The following SUMF1 variants were observed in gnomAD, a reference collection of about 807,000 sequenced individuals.
SUMF1 encodes sulfatase modifying factor 1.
A neutral mutation model predicts 47.6 loss-of-function variants in SUMF1; 48 were observed. The observed-to-expected ratio is 1.01, with a 90% CI of 0.80 to 1.28. The LOEUF is 1.28. Among genes scored for constraint, SUMF1 ranks in the 50% most tolerant of loss-of-function variants. The probability of loss-of-function intolerance (pLI) is 0.00; values close to 1 mark genes in which losing one functional copy is unlikely to be tolerated. For missense variants in SUMF1, 571 were observed against 485.4 expected (o/e 1.18, Z -1.66); for synonymous variants, 230 against 192.1 (o/e 1.20, Z -1.63).
intron 8 of SUMF1, among the ~76,000 whole-genome samples, chr3:4,366,707 C>T (rs1292870406): frequency 3.3e-5 from 5 of 152,218 alleles, no homozygotes; most frequent in Non-Finnish European, 7.3e-5. Flanking sequence ...AAGCCTTCTT[C>T]TCTCAACTCG....
chr3:4,290,535 T>C (rs886073331), intron 8 of SUMF1, among the ~76,000 whole-genome samples: 1 of 152,190 alleles, frequency 6.6e-6, no homozygotes, highest in Non-Finnish European at 1.5e-5. Flanking sequence ...GAAGGTAACA[T>C]GGAACATCAG....
chr3:4,204,757 A>G (rs982465747), intron 8 of SUMF1, among the ~76,000 whole-genome samples: 1 of 151,592 alleles, frequency 6.6e-6, no homozygotes, highest in Admixed American at 6.6e-5. Flanking sequence ...TGATCCATTC[A>G]GCTGTTAAGA....
At chr3:4,438,938 T>C (rs994004607) in intron 3 of SUMF1, among the ~76,000 whole-genome samples, 3 of 152,258 alleles carry the variant, frequency 2.0e-5, no homozygotes, top group African/African-American at 7.2e-5. Flanking sequence ...ACCAATATCA[T>C]AAGGGCCACA....
intron 7 of SUMF1, among the ~76,000 whole-genome samples, chr3:4,394,098 T>A (rs1700964238): frequency 6.6e-6 from 1 of 152,170 alleles, no homozygotes; most frequent in Admixed American, 6.6e-5. Context: ...GATTTGATAA[T>A]ACCATTATAG....
intron 3 of SUMF1, among the ~76,000 whole-genome samples, chr3:4,448,803 T>C (rs1356194371): frequency 1.3e-5 from 2 of 152,208 alleles, no homozygotes; most frequent in East Asian, 1.9e-4. Context: ...TTCATGAACA[T>C]TCAGAACAAA....
downstream of SUMF1, among the ~76,000 whole-genome samples, chr3:4,356,464 C>T (rs1699620289): frequency 2.0e-5 from 3 of 152,110 alleles, no homozygotes; most frequent in African/African-American, 7.2e-5. Context: ...TCTCATAAGG[C>T]ATTTCTAGGC....
intron 7 of SUMF1, among the ~76,000 whole-genome samples, chr3:4,385,212 C>CA (rs1410239997): frequency 6.6e-6 from 1 of 152,138 alleles, no homozygotes; most frequent in Non-Finnish European, 1.5e-5. Context: ...AAGAAAACGT[C>CA]AAATTGTTTT....
chr3:4,445,010 C>A (rs1239360632), intron 3 of SUMF1, among the ~76,000 whole-genome samples: 1 of 152,162 alleles, frequency 6.6e-6, no homozygotes, highest in East Asian at 1.9e-4. Context: ...GGACTCAGGA[C>A]AGTTGCTTAA....
rs149242416 is a variant in SUMF1, at chr3:4,294,845, T to C, written c.1014+81485A>G. Among the ~76,000 whole-genome samples, 149 of 152,126 alleles carry C rather than the reference T, an allele frequency of 9.8e-4. 1 individual carries two copies. Among genetic ancestry groups the C allele is most frequent in the African/African-American group, 3.5e-3 (146 of 41,468 alleles). On this transcript the variant is annotated intron_variant and NMD_transcript_variant, in intron 8 of 12. Transcript: ENST00000448413. ...ATGATGAGGATTTCAGGCACTGTAG[T>C]CAGACACTGAGCGAGGTCTTTTTGG... is the stretch of plus-strand genomic sequence containing the variant.
chr3:4,404,800 A>C (rs1701324498), intron 7 of SUMF1, among the ~76,000 whole-genome samples: 1 of 152,070 alleles, frequency 6.6e-6, no homozygotes, highest in Non-Finnish European at 1.5e-5. Context: ...AAAACACATG[A>C]GTGAAGGTCT....
chr3:4,137,462 G>A (rs1693964662), intron 8 of SUMF1, among the ~76,000 whole-genome samples: 1 of 151,290 alleles, frequency 6.6e-6, no homozygotes, highest in Non-Finnish European at 1.5e-5. Context: ...TCACACTCTG[G>A]GGCCTGTTGT....
intron 8 of SUMF1, among the ~76,000 whole-genome samples, chr3:4,122,020 C>T (rs1011111782): frequency 2.0e-5 from 3 of 152,036 alleles, no homozygotes; most frequent in Non-Finnish European, 4.4e-5. Context: ...CCAGCTCCAT[C>T]CATGTTCCTG....
chr3:4,130,136 T>C (rs1038229711), intron 8 of SUMF1, among the ~76,000 whole-genome samples: 1 of 152,126 alleles, frequency 6.6e-6, no homozygotes, highest in African/African-American at 2.4e-5. Flanking sequence ...CATTCAACTC[T>C]CCCATTTGGC....
At chr3:4,427,108 C>A (rs1702091385) in intron 3 of SUMF1, among the ~76,000 whole-genome samples, 1 of 152,194 alleles carries the variant, frequency 6.6e-6, no homozygotes, top group African/African-American at 2.4e-5. Flanking sequence ...GCAAATTATG[C>A]TTCTTATACA....
In SUMF1 at chr3:4,362,910, T is replaced by C. The variant is rs1032816619; in HGVS notation, c.1015-656A>G. Among the ~76,000 whole-genome samples, 3 of 151,254 alleles carry C rather than the reference T, an allele frequency of 2.0e-5. No individual in the cohort carries two copies. The East Asian group carries it at 5.8e-4, about 29-fold the overall frequency. The stretch of plus-strand genomic sequence containing the variant: ...GCCTGGGTGACAGAGCAAGATCTTG[T>C]GTCCAAAAAAAGAAAAAAAAACAGT... On this transcript the variant is annotated intron_variant, in intron 8 of 8. Transcript: ENST00000272902.
chr3:4,324,067 T>C (rs778333859), intron 8 of SUMF1, among the ~76,000 whole-genome samples: 7 of 152,192 alleles, frequency 4.6e-5, no homozygotes, highest in Non-Finnish European at 8.8e-5. Flanking sequence ...GCATAAGTGA[T>C]AGCTTATGTG....
chr3:4,358,574 T>C (rs1420490331), downstream of SUMF1, among the ~76,000 whole-genome samples: 1 of 152,220 alleles, frequency 6.6e-6, no homozygotes, highest in Non-Finnish European at 1.5e-5. Flanking sequence ...CTTCTCATAA[T>C]TTTAAAGAAA....
chr3:4,213,648 G>C (rs1265506303), intron 8 of SUMF1, among the ~76,000 whole-genome samples: 3 of 152,304 alleles, frequency 2.0e-5, no homozygotes, highest in Admixed American at 2.0e-4. Flanking sequence ...CCATCAGTGT[G>C]CTGTATTCAG....
chr3:4,082,936 T>C (rs973755776), intron 8 of SUMF1, among the ~76,000 whole-genome samples: 1 of 152,130 alleles, frequency 6.6e-6, no homozygotes, highest in African/African-American at 2.4e-5. Context: ...GCCCAGCAGA[T>C]AAACGACCAG....
Sources: gnomAD v4.1 joint callset for allele counts (sites outside exome capture counted in the v4.1 genomes callset) on GRCh38, gnomAD v4.1.1 for gene constraint, MANE v1.5 for transcripts, NCBI Gene and HGNC (gene_info 2026-07-23, HGNC 2026-07-21) for gene names.